The following TMEM178B variants were observed in gnomAD, a reference collection of about 807,000 sequenced individuals.
The protein encoded by TMEM178B is transmembrane protein 178B.
Under a neutral mutation model 31.0 loss-of-function variants are expected in TMEM178B, and 5 were observed. The ratio of observed to expected loss-of-function variants is 0.16; its 90% confidence interval spans 0.08 to 0.34. The LOEUF (loss-of-function observed/expected upper bound fraction) is 0.34, where lower values mean the gene tolerates loss of function less well. TMEM178B is among the 10% of genes least tolerant of loss of function. The pLI, the probability that TMEM178B is intolerant of heterozygous loss-of-function variation, is 1.00. For missense variants in TMEM178B, 275 were observed against 400.3 expected (o/e 0.69, Z 2.67); for synonymous variants, 164 against 164.0 (o/e 1.00, Z 0.00).
chr7:141,279,809 T>C (rs1798325510), intron 2 of TMEM178B, among the ~76,000 whole-genome samples: 1 of 152,254 alleles, frequency 6.6e-6, no homozygotes, highest in African/African-American at 2.4e-5. Context: ...TAGATGGCCC[T>C]TTCTGTAGCC....
rs955356478 is a variant in TMEM178B, at chr7:141,334,586, A to G, written c.497-103022A>G. Among the ~76,000 whole-genome samples the G allele has an allele frequency of 1.4e-3, 207 of 152,290 alleles. 2 individuals carry two copies. Among genetic ancestry groups the G allele is most frequent in the African/African-American group, 4.7e-3 (197 of 41,552 alleles). On this transcript the variant is annotated intron_variant, in intron 2 of 3. Transcript: ENST00000565468. ...CAAGTTCCTTGGGAACAGGGGGGAAAAGCTGTCTGTATTTGAGCATGCAAA... is the reference window on the plus strand; with the variant it reads ...CAAGTTCCTTGGGAACAGGGGGGAAGAGCTGTCTGTATTTGAGCATGCAAA...
At chr7:141,080,956 T>C (rs1311904469) in intron 1 of TMEM178B, among the ~76,000 whole-genome samples, 1 of 152,180 alleles carries the variant, frequency 6.6e-6, no homozygotes, top group African/African-American at 2.4e-5. Context: ...CACAAACAAT[T>C]ATGTACAGTA....
intron 2 of TMEM178B, among the ~76,000 whole-genome samples, chr7:141,336,978 C>T (rs1799413137): frequency 2.8e-5 from 3 of 106,798 alleles, no homozygotes; most frequent in Non-Finnish European, 3.8e-5. Flanking sequence ...ACCACCACCA[C>T]CACCCCCATC....
intron 2 of TMEM178B, among the ~76,000 whole-genome samples, chr7:141,224,611 A>G (rs571637318): frequency 6.6e-6 from 1 of 152,280 alleles, no homozygotes; most frequent in South Asian, 2.1e-4. Flanking sequence ...GTAAGGAGAG[A>G]GAGGCAGCAG....
At chr7:141,127,111 G>A (rs1253429611) in intron 1 of TMEM178B, among the ~76,000 whole-genome samples, 1 of 152,104 alleles carries the variant, frequency 6.6e-6, no homozygotes, top group Non-Finnish European at 1.5e-5. Flanking sequence ...GTTCCTTCTT[G>A]GACACAGTGG....
At chr7:141,202,562 A>G (rs1038526201) in intron 1 of TMEM178B, among the ~76,000 whole-genome samples, 2 of 152,280 alleles carry the variant, frequency 1.3e-5, no homozygotes, top group African/African-American at 4.8e-5. Context: ...AAAACAAAGC[A>G]TACAAAATGG....
the TMEM178B span, among the ~76,000 whole-genome samples, chr7:141,493,385 A>C: frequency 6.6e-6 from 1 of 152,284 alleles, no homozygotes; most frequent in Middle Eastern, 3.4e-3. Flanking sequence ...CAGAAATGCA[A>C]CCTCTTCAAA....
rs1802228077 is a variant in TMEM178B, at chr7:141,470,844, TAAAAC to T, written c.*69_*73del. ...AATATATATATATAATATACATATATAAAACAAAACAAAACTAAATCAAGACGATG... is the reference window on the plus strand; with the variant it reads ...AATATATATATATAATATACATATATAAAACAAAACTAAATCAAGACGATG... On this transcript the variant is annotated 3_prime_UTR_variant, in exon 4 of 4. Coordinates refer to ENST00000565468, the MANE Select transcript of TMEM178B (RefSeq NM_001195278.2). The T allele has an allele frequency of 1.4e-5, 13 of 955,048 alleles. No individual in the cohort carries two copies. Among genetic ancestry groups the T allele is most frequent in the Non-Finnish European group, 1.7e-5 (13 of 771,676 alleles). The allele number at this position is 955,048 out of a possible 1,614,324, so 59.2% of individuals were successfully genotyped here.
At chr7:141,397,556 C>T (rs1403692005) in intron 2 of TMEM178B, among the ~76,000 whole-genome samples, 1 of 152,154 alleles carries the variant, frequency 6.6e-6, no homozygotes, top group Non-Finnish European at 1.5e-5. Context: ...GAATGGCAGA[C>T]AGGTTCTCCA....
intron 1 of TMEM178B, among the ~76,000 whole-genome samples, chr7:141,198,403 C>T (rs1473024907): frequency 6.6e-6 from 1 of 152,208 alleles, no homozygotes; most frequent in Admixed American, 6.5e-5. Flanking sequence ...CTGGCATCTG[C>T]AATTCTGGTG....
intron 2 of TMEM178B, among the ~76,000 whole-genome samples, chr7:141,437,205 G>A (rs1410734100): frequency 1.3e-5 from 2 of 152,202 alleles, no homozygotes; most frequent in African/African-American, 4.8e-5. Context: ...GGGAGTGCTA[G>A]ACAGGTCTGG....
intron 2 of TMEM178B, among the ~76,000 whole-genome samples, chr7:141,278,514 C>T (rs903677818): frequency 1.2e-4 from 17 of 145,146 alleles, no homozygotes; most frequent in African/African-American, 2.4e-4. Context: ...ACTCGGGAGG[C>T]GGAGGTTGTA....
chr7:141,457,317 A>G (rs144907485), intron 3 of TMEM178B, among the ~76,000 whole-genome samples: 1 of 152,228 alleles, frequency 6.6e-6, no homozygotes, highest in Non-Finnish European at 1.5e-5. Context: ...TGTCAATTAC[A>G]TAATTTATTT....
At chr7:141,445,488 G>A (rs903054355) in intron 3 of TMEM178B, among the ~76,000 whole-genome samples, 3 of 152,178 alleles carry the variant, frequency 2.0e-5, no homozygotes, top group Non-Finnish European at 4.4e-5. Flanking sequence ...CTAGGATGAT[G>A]TTTCAAAGTA....
intron 1 of TMEM178B, among the ~76,000 whole-genome samples, chr7:141,194,571 C>T (rs1279158847): frequency 6.6e-6 from 1 of 152,170 alleles, no homozygotes; most frequent in Non-Finnish European, 1.5e-5. Context: ...AGGTTACAGC[C>T]TCCCCACCAG....
Position 141,074,823 on chromosome 7 carries a change from TGGCTGAGCCTC to T in TMEM178B, c.382+134_382+144del. 7.8e-7 allele frequency: 1 copy of T among 1,288,728 alleles called. No homozygotes were observed. 79.8% of individuals were successfully genotyped at this position (1,288,728 alleles called of 1,614,324 possible). Reference sequence around the variant, plus strand: ...TCCAGGCGGTCCGGTTATCCAGGCCTGGCTGAGCCTCGGGGCCAGGACTTGCCTCCCAATAG... The same window carrying T: ...TCCAGGCGGTCCGGTTATCCAGGCCTGGGGCCAGGACTTGCCTCCCAATAG... On this transcript the variant is annotated intron_variant, in intron 1 of 3. Transcript: ENST00000565468. This position sits in a 1 kb window ranked among gnomAD's most constrained non-coding sequence, Gnocchi z 5.1.
chr7:141,481,554 T>C (rs1255093255), downstream of TMEM178B, among the ~76,000 whole-genome samples: 3 of 152,170 alleles, frequency 2.0e-5, no homozygotes, highest in Non-Finnish European at 4.4e-5. Context: ...TGCTGGGCCT[T>C]GCACAAGAAG....
At chr7:141,257,778 T>G (rs1440605786) in intron 2 of TMEM178B, among the ~76,000 whole-genome samples, 7 of 152,026 alleles carry the variant, frequency 4.6e-5, no homozygotes, top group Non-Finnish European at 1.0e-4. Flanking sequence ...CTTTTAAATC[T>G]AGATGGACAG....
chr7:141,480,845 G>T (rs1802462879), downstream of TMEM178B, among the ~76,000 whole-genome samples: 1 of 152,184 alleles, frequency 6.6e-6, no homozygotes, highest in Non-Finnish European at 1.5e-5. Context: ...AAAGGTTTGG[G>T]CTCACACCTG....
Sources: allele counts gnomAD v4.1 joint callset (sites outside exome capture counted in the v4.1 genomes callset), GRCh38; gene constraint gnomAD v4.1.1; non-coding constraint Gnocchi (gnomAD v3.1); transcripts MANE v1.5; gene names NCBI Gene and HGNC (gene_info 2026-07-23, HGNC 2026-07-21).